The following BIN1 variants were observed in gnomAD, a reference collection of about 807,000 sequenced individuals.
BIN1 encodes the protein myc box-dependent-interacting protein 1.
Under a neutral mutation model 82.0 loss-of-function variants are expected in BIN1, and 53 were observed. The ratio of observed to expected loss-of-function variants is 0.65; its 90% CI spans 0.52 to 0.81. BIN1 has a LOEUF of 0.81. Ranked by LOEUF, BIN1 falls within the 40% of genes least tolerant of loss-of-function variation. The probability of loss-of-function intolerance (pLI) is 0.00; values close to 1 mark genes in which losing one functional copy is unlikely to be tolerated. For synonymous variants in BIN1, 302 were observed against 328.0 expected, an observed-to-expected ratio of 0.92 and a Z score of 0.86; for missense variants, 642 against 784.4, an observed-to-expected ratio of 0.82 and a Z score of 2.17.
At chr2:127,080,290 C>G (rs1573710143) in intron 1 of BIN1, among the ~76,000 whole-genome samples, 1 of 152,376 alleles carries the variant, frequency 6.6e-6, no homozygotes, top group Non-Finnish European at 1.5e-5. Context: ...TTAGTGGGGC[C>G]TCCCCTGTGC....
At chr2:127,074,365 C>T (rs1193075630) in intron 2 of BIN1, among the ~76,000 whole-genome samples, 1 of 152,210 alleles carries the variant, frequency 6.6e-6, no homozygotes, top group African/African-American at 2.4e-5. Context: ...AAAACCACCA[C>T]CCCAACTACC....
chr2:127,063,105 G>T (rs1265631193), intron 9 of BIN1, among the ~76,000 whole-genome samples: 5 of 152,220 alleles, frequency 3.3e-5, no homozygotes, highest in Admixed American at 6.5e-5. Flanking sequence ...AGAGAGAAAG[G>T]TACGCTAATC....
chr2:127,069,882 C>T (rs2105068865), intron 5 of BIN1, 113 bp downstream of exon 5: 2 of 1,121,970 alleles, frequency 1.8e-6, no homozygotes, highest in Non-Finnish European at 2.6e-6. Context: ...GGGCCAGGCG[C>T]TTCCTGCCTC....
intron 1 of BIN1, among the ~76,000 whole-genome samples, chr2:127,094,854 G>A (rs1376499747): frequency 6.6e-6 from 1 of 152,198 alleles, no homozygotes; most frequent in Non-Finnish European, 1.5e-5. Flanking sequence ...CTGCCCACCA[G>A]CCCCCGGGTG....
Position 127,067,228 on chromosome 2 carries a change from G to A in BIN1, c.612+935C>T, listed in dbSNP as rs527630131. 2.0e-5 allele frequency among the ~76,000 whole-genome samples: 3 copies of A among 152,280 alleles called. No homozygotes were observed. Among genetic ancestry groups the A allele is most frequent in the South Asian group, 4.1e-4 (2 of 4,824 alleles). On this transcript the variant is annotated intron_variant, in intron 7 of 18. Transcript: ENST00000316724. The surrounding 1 kb of genome is among the most constrained non-coding windows in gnomAD (Gnocchi z 4.7). ...AGAGAGAAACCCAACCTCCGGGGCC[G>A]GGCCCCTATCGCCAGCCTCTCGGGA...
rs928346633 is a variant in BIN1, at chr2:127,067,045, A to G, written c.612+1118T>C. ...ATGATCACACCACTGCACTCCAGCCAGGGGAACGGAGAGAAACCCGTTCAA... is the reference window on the plus strand; with the variant it reads ...ATGATCACACCACTGCACTCCAGCCGGGGGAACGGAGAGAAACCCGTTCAA... On this transcript the variant is annotated intron_variant, in intron 7 of 18. Coordinates refer to ENST00000316724, the MANE Select transcript of BIN1 (RefSeq NM_139343.3). This position sits in a 1 kb window ranked among gnomAD's most constrained non-coding sequence, Gnocchi z 4.7. Among the ~76,000 whole-genome samples, 2 of 149,726 alleles carry G rather than the reference A, an allele frequency of 1.3e-5. No homozygotes were observed. The highest frequency in any genetic ancestry group is 2.5e-5 in the African/African-American group (1 of 40,106).
chr2:127,093,805 G>C lies in BIN1; in HGVS notation c.84+13055C>G, dbSNP rs1177400067. ...AACGATACCACACGTTTCCGCCCCTGCCGCTCTCTCTGGACAATCCCCTCC... is the reference window on the plus strand; with the variant it reads ...AACGATACCACACGTTTCCGCCCCTCCCGCTCTCTCTGGACAATCCCCTCC... On this transcript the variant is annotated intron_variant, in intron 1 of 18. Coordinates refer to ENST00000316724, the MANE Select transcript of BIN1 (RefSeq NM_139343.3). This position sits in a 1 kb window ranked among gnomAD's most constrained non-coding sequence, Gnocchi z 5.7. Among the ~76,000 whole-genome samples the C allele has an allele frequency of 6.6e-6, 1 of 152,210 alleles. No individual in the cohort carries two copies. Among genetic ancestry groups the C allele is most frequent in the Admixed American group, 6.5e-5 (1 of 15,274 alleles).
chr2:127,077,017 G>C (rs1241396252), intron 1 of BIN1, among the ~76,000 whole-genome samples: 2 of 152,174 alleles, frequency 1.3e-5, no homozygotes, highest in Admixed American at 1.3e-4. Context: ...CACCCTCCTA[G>C]CTGATCTCAC....
chr2:127,050,250 G>T (rs1682725254), intron 18 of BIN1, 171 bp downstream of exon 18: 7 of 679,350 alleles, frequency 1.0e-5, no homozygotes, highest in Non-Finnish European at 1.1e-5. Flanking sequence ...AGAGGAGAGG[G>T]AGAGAGGAAA....
Position 127,062,150 on chromosome 2 carries a change from G to A in BIN1, c.822C>T (p.His274=), listed in dbSNP as rs368730077. Residue 274 remains histidine, a synonymous_variant, in exon 10 of 19, where the codon CAC becomes CAT. Coordinates refer to ENST00000316724, the MANE Select transcript of BIN1 (RefSeq NM_139343.3). ...NDVLVGLEKQ[H]GSNTFTVKAQ... ...CCTTGACCGTGAAGGTGTTGCTCCC[G>A]TGTTGCTTCTCCAGGCCGACCAGCA... The A allele has an allele frequency of 4.5e-5, 72 of 1,611,066 alleles. 1 individual carries two copies. Among genetic ancestry groups the A allele is most frequent in the South Asian group, 4.2e-4 (38 of 90,178 alleles).
Position 127,107,045 on chromosome 2 carries a change from T to A in BIN1, c.-102A>T. 2 of 1,209,618 alleles carry A rather than the reference T, an allele frequency of 1.7e-6. No homozygotes were observed. The highest frequency in any genetic ancestry group is 1.1e-6 in the Non-Finnish European group (1 of 931,516). The allele number at this position is 1,209,618 out of a possible 1,614,324, so 74.9% of individuals were successfully genotyped here. On this transcript the variant is annotated 5_prime_UTR_variant, in exon 1 of 19. Transcript: ENST00000316724. The surrounding 1 kb of genome is among the most constrained non-coding windows in gnomAD (Gnocchi z 5.9). ...GCCCCGGCCGCGCGTCCAGACCGGC[T>A]GCCGCTCCACGCCGCGCACCCGACA...
At position 127,050,489 on chromosome 2, in the gene BIN1, T is replaced by C. The variant is rs1682772373; in HGVS notation, c.1606A>G (p.Thr536Ala). The C allele has an allele frequency of 3.7e-6, 6 of 1,614,228 alleles. No individual in the cohort carries two copies. The highest frequency in any genetic ancestry group is 5.1e-6 in the Non-Finnish European group (6 of 1,180,028). ...QAQHDYTATD[T>A]DELQLKAGDV... ...CCAGCCTTGAGCTGCAGCTCGTCTGTGTCAGTGGCCGTGTAGTCGTGCTGG... is the reference window on the plus strand; with the variant it reads ...CCAGCCTTGAGCTGCAGCTCGTCTGCGTCAGTGGCCGTGTAGTCGTGCTGG... Residue 536 changes from threonine (T) to alanine (A), a missense_variant, in exon 18 of 19, where the codon ACA becomes GCA. Coordinates refer to ENST00000316724, the MANE Select transcript of BIN1 (RefSeq NM_139343.3).
In BIN1 at chr2:127,057,297, G is replaced by C. The variant is rs1386513662; in HGVS notation, c.1131+176C>G. On this transcript the variant is annotated intron_variant, in intron 12 of 18. Transcript: ENST00000316724. The surrounding 1 kb of genome is among the most constrained non-coding windows in gnomAD (Gnocchi z 5.0). Reference sequence around the variant, plus strand: ...GGCCTTAGTACATGCTCAGAGATGGGTGATGGAGGATGATGGAGGATGATG... The same window carrying C: ...GGCCTTAGTACATGCTCAGAGATGGCTGATGGAGGATGATGGAGGATGATG... Among the ~76,000 whole-genome samples the C allele has an allele frequency of 2.0e-5, 3 of 152,248 alleles. No homozygotes were observed. The highest frequency in any genetic ancestry group is 4.4e-5 in the Non-Finnish European group (3 of 68,044).
rs541219767 is a variant in BIN1, at chr2:127,052,367, T to G, written c.1264-5A>C. On this transcript the variant is annotated splice_region_variant and splice_polypyrimidine_tract_variant and intron_variant, in intron 14 of 18. Transcript: ENST00000316724. ...GCCGGCTGGACTCTCTGTGGGCTGG[T>G]AACAGGCCACGAGGAGAGAACAGGG... 3.2e-5 allele frequency: 50 copies of G among 1,571,182 alleles called. No homozygotes were observed. In the Admixed American group the frequency reaches 6.8e-4, roughly 22 times the overall value.
chr2:127,103,057 C>A (rs571245170), intron 1 of BIN1, among the ~76,000 whole-genome samples: 1 of 152,190 alleles, frequency 6.6e-6, no homozygotes, highest in Non-Finnish European at 1.5e-5. Flanking sequence ...GGGAAGGGGG[C>A]GGGACCCCTG....
intron 1 of BIN1, among the ~76,000 whole-genome samples, chr2:127,098,350 C>T (rs1679865245): frequency 1.3e-5 from 2 of 152,152 alleles, no homozygotes; most frequent in Non-Finnish European, 2.9e-5. Flanking sequence ...CTGCAGCCAC[C>T]CACTCACTCC....
chr2:127,081,985 C>A, intron 1 of BIN1: 1 of 978,016 alleles, frequency 1.0e-6, no homozygotes. Context: ...ACCGAGGCTC[C>A]CCAGGCAGGC....
chr2:127,076,398 G>A (rs1359564076), intron 2 of BIN1, among the ~76,000 whole-genome samples: 8 of 73,718 alleles, frequency 1.1e-4, no homozygotes, highest in African/African-American at 1.1e-4. Flanking sequence ...CCCAACTACC[G>A]TTTCTATGTC....
At chr2:127,097,098 T>G (rs1217251976) in intron 1 of BIN1, among the ~76,000 whole-genome samples, 1 of 151,884 alleles carries the variant, frequency 6.6e-6, no homozygotes, top group Non-Finnish European at 1.5e-5. Context: ...GAGCCAGGGG[T>G]CCCCACAGCT....
Sources: allele counts gnomAD v4.1 joint callset (sites outside exome capture counted in the v4.1 genomes callset), GRCh38; gene constraint gnomAD v4.1.1; non-coding constraint Gnocchi (gnomAD v3.1); transcripts MANE v1.5; gene names NCBI Gene and HGNC (gene_info 2026-07-23, HGNC 2026-07-21).